The following NUDCD3 variants were observed in gnomAD, a reference collection of about 807,000 sequenced individuals.
The protein encoded by NUDCD3 is NudC domain containing 3.
NUDCD3 carries 13 observed loss-of-function variants against 39.7 expected under a neutral mutation model. That is an observed-to-expected ratio of 0.33 (90% confidence interval 0.21 to 0.52). NUDCD3 has a LOEUF of 0.52. Among genes scored for constraint, NUDCD3 ranks in the 20% least tolerant of loss-of-function variants. NUDCD3 has a pLI of 0.96. For synonymous variants in NUDCD3, 175 were observed against 172.4 expected (o/e 1.02, Z -0.12); for missense variants, 453 against 458.1 (o/e 0.99, Z 0.10).
At chr7:44,427,748 C>T (rs1799265875) in intron 2 of NUDCD3, 45 bp from the exon 3 acceptor site, 13 of 1,600,352 alleles carry the variant, frequency 8.1e-6, no homozygotes, top group Non-Finnish European at 1.1e-5. Flanking sequence ...CATGCCTGAG[C>T]AGAGGACCCC....
At position 44,398,321 on chromosome 7, in the gene NUDCD3, G is replaced by A. The variant is rs114704923; in HGVS notation, c.787-5836C>T. ...GACCCCTGGATTCCTGGCCTCTCTG[G>A]TCTCTCAATGGCTTATAACTCATTA... is the stretch of plus-strand genomic sequence containing the variant. On this transcript the variant is annotated intron_variant, in intron 4 of 5. Coordinates refer to ENST00000355451, the MANE Select transcript of NUDCD3 (RefSeq NM_015332.4). Among the ~76,000 whole-genome samples, 1,018 of 152,202 alleles carry A rather than the reference G, an allele frequency of 6.7e-3. 14 individuals carry two copies. Among genetic ancestry groups the A allele is most frequent in the African/African-American group, 0.023 (943 of 41,518 alleles).
intron 2 of NUDCD3, among the ~76,000 whole-genome samples, chr7:44,435,498 C>T (rs1799447891): frequency 1.3e-5 from 2 of 152,142 alleles, no homozygotes; most frequent in African/African-American, 2.4e-5. Flanking sequence ...GTTCATAAAA[C>T]GAAATCTCCA....
intron 2 of NUDCD3, among the ~76,000 whole-genome samples, chr7:44,431,780 C>T (rs1007350105): frequency 6.8e-6 from 1 of 146,504 alleles, no homozygotes; most frequent in Non-Finnish European, 1.5e-5. Flanking sequence ...TCACATGATT[C>T]TCCTGCCTCA....
chr7:44,418,319 CAT>C (rs1799069714), intron 3 of NUDCD3, among the ~76,000 whole-genome samples: 5 of 152,194 alleles, frequency 3.3e-5, no homozygotes, highest in Admixed American at 2.6e-4. Context: ...TATAAATGCA[CAT>C]GAGACGTGTT....
intron 2 of NUDCD3, among the ~76,000 whole-genome samples, chr7:44,433,198 T>C (rs1799398363): frequency 6.6e-6 from 1 of 152,184 alleles, no homozygotes; most frequent in Non-Finnish European, 1.5e-5. Flanking sequence ...GAGAAGTAAA[T>C]TTCTCACAGA....
At chr7:44,437,789 C>T (rs992693896) in intron 2 of NUDCD3, among the ~76,000 whole-genome samples, 7 of 152,062 alleles carry the variant, frequency 4.6e-5, no homozygotes, top group Non-Finnish European at 8.8e-5. Flanking sequence ...TGATAATATG[C>T]CCACTAATAC....
intron 2 of NUDCD3, among the ~76,000 whole-genome samples, chr7:44,442,668 CA>C: frequency 6.6e-6 from 1 of 151,532 alleles, no homozygotes; most frequent in East Asian, 2.0e-4. Flanking sequence ...TCCCTAACTA[CA>C]AGAGGGGCGG....
rs895183071 is a variant in NUDCD3, at chr7:44,379,247, G to A, written c.*6764C>T. On this transcript the variant is annotated 3_prime_UTR_variant, in exon 6 of 6. Transcript: ENST00000355451. ...GCAGGAGGATCACTTGAGCCCAGAGGTTTGAGTCCAGTCTGGGCAACACAG... is the reference window on the plus strand; with the variant it reads ...GCAGGAGGATCACTTGAGCCCAGAGATTTGAGTCCAGTCTGGGCAACACAG... The A allele has an allele frequency of 2.6e-5, 4 of 151,068 alleles. No homozygotes were observed. The highest frequency in any genetic ancestry group is 5.9e-5 in the Non-Finnish European group (4 of 67,938). The allele number at this position is 151,068 out of a possible 1,614,324, so 9.4% of individuals were successfully genotyped here. A position where few individuals can be genotyped will look rare whatever the true frequency, so the allele number is the denominator to read the frequency against.
chr7:44,431,518 T>C (rs965897491), intron 2 of NUDCD3, among the ~76,000 whole-genome samples: 2 of 152,092 alleles, frequency 1.3e-5, no homozygotes, highest in African/African-American at 2.4e-5. Context: ...CTAGCAGCAC[T>C]GCCACCAGGA....
In NUDCD3 at chr7:44,427,606, C is replaced by A. The variant is rs762903299; in HGVS notation, c.607G>T (p.Val203Leu). Residue 203 changes from valine (V) to leucine (L), a missense_variant, in exon 3 of 6, where the codon GTG becomes TTG. Val to Leu is a conservative substitution (Grantham distance 32, BLOSUM62 1). Transcript: ENST00000355451. ...TTCACCACGTGCTTGGGTACTGGCA[C>A]CCTGACCTCCAGGTCAGTATAGTCC... is the stretch of plus-strand genomic sequence containing the variant. Reference protein sequence around the residue: ...SQDYTDLEVRVPVPKHVVKGK... With the variant: ...SQDYTDLEVRLPVPKHVVKGK... 1.2e-6 allele frequency: 2 copies of A among 1,613,558 alleles called. No individual in the cohort carries two copies. Among genetic ancestry groups the A allele is most frequent in the South Asian group, 2.2e-5 (2 of 90,994 alleles).
At chr7:44,388,481 T>C (rs1479031177) in intron 5 of NUDCD3, among the ~76,000 whole-genome samples, 1 of 152,156 alleles carries the variant, frequency 6.6e-6, no homozygotes, top group African/African-American at 2.4e-5. Context: ...TTTGATTTTC[T>C]AAAAAAAGGC....
At chr7:44,390,164 A>G (rs1798485491) in intron 5 of NUDCD3, among the ~76,000 whole-genome samples, 1 of 152,144 alleles carries the variant, frequency 6.6e-6, no homozygotes, top group Admixed American at 6.5e-5. Flanking sequence ...CAGGAGTTCG[A>G]GACCAGCCTG....
intron 5 of NUDCD3, among the ~76,000 whole-genome samples, chr7:44,389,020 G>A (rs1798458321): frequency 1.3e-5 from 2 of 152,324 alleles, no homozygotes; most frequent in South Asian, 2.1e-4. Flanking sequence ...GCAGGCACAG[G>A]GACTTTCTGT....
intron 2 of NUDCD3, among the ~76,000 whole-genome samples, chr7:44,435,961 A>G (rs899208732): frequency 2.6e-5 from 4 of 152,230 alleles, no homozygotes; most frequent in African/African-American, 9.6e-5. Context: ...ATCTAGAATC[A>G]GGGAAATTAT....
intron 2 of NUDCD3, among the ~76,000 whole-genome samples, chr7:44,448,068 T>G (rs1471959994): frequency 6.6e-6 from 1 of 152,240 alleles, no homozygotes; most frequent in African/African-American, 2.4e-5. Flanking sequence ...ACTTGGTAGC[T>G]GAACATAGGC....
intron 4 of NUDCD3, among the ~76,000 whole-genome samples, chr7:44,398,817 G>A (rs1798670733): frequency 6.6e-6 from 1 of 152,210 alleles, no homozygotes; most frequent in Non-Finnish European, 1.5e-5. Context: ...GGCAGATAAC[G>A]GGGTGAGACG....
intron 2 of NUDCD3, among the ~76,000 whole-genome samples, chr7:44,435,977 G>A (rs754202349): frequency 2.6e-5 from 4 of 152,268 alleles, no homozygotes; most frequent in Non-Finnish European, 4.4e-5. Context: ...ATTATAACAG[G>A]CTAAGTTCTA....
Position 44,445,398 on chromosome 7 carries a change from A to C in NUDCD3, c.510-17695T>G, listed in dbSNP as rs74696946. Among the ~76,000 whole-genome samples, 25 of 152,310 alleles carry C rather than the reference A, an allele frequency of 1.6e-4. 1 individual carries two copies. In the East Asian group the frequency reaches 4.1e-3, roughly 25 times the overall value. Reference sequence around the variant, plus strand: ...AGACATGCACAGTGTGGTCCCTGCCAGCCCCATCCCTGTTCACTCCCTTCC... The same window carrying C: ...AGACATGCACAGTGTGGTCCCTGCCCGCCCCATCCCTGTTCACTCCCTTCC... On this transcript the variant is annotated intron_variant, in intron 2 of 5. Transcript: ENST00000355451.
At chr7:44,427,496 G>A (rs570865082) in intron 3 of NUDCD3, 75 bp downstream of exon 3, 4 of 1,516,122 alleles carry the variant, frequency 2.6e-6, no homozygotes, top group Non-Finnish European at 2.7e-6. Flanking sequence ...CCTCAAGGAT[G>A]CTGGTGGGTC....
Sources: gnomAD v4.1 joint callset for allele counts (sites outside exome capture counted in the v4.1 genomes callset) on GRCh38, gnomAD v4.1.1 for gene constraint, MANE v1.5 for transcripts, NCBI Gene and HGNC (gene_info 2026-07-23, HGNC 2026-07-21) for gene names.